FOXN3: variants seen among roughly 807,000 people sequenced by gnomAD.
FOXN3 encodes the protein forkhead box protein N3.
Under a neutral mutation model 38.4 loss-of-function variants are expected in FOXN3, and 7 were observed. That is an observed-to-expected ratio of 0.18 (90% CI 0.10 to 0.34). The LOEUF (loss-of-function observed/expected upper bound fraction) is 0.34, where lower values mean the gene tolerates loss of function less well. Among genes scored for constraint, FOXN3 ranks in the 10% least tolerant of loss-of-function variants. FOXN3 has a pLI of 1.00. For missense variants in FOXN3, 456 were observed against 613.4 expected (o/e 0.74, Z 2.71); for synonymous variants, 230 against 242.2 (o/e 0.95, Z 0.47).
intron 1 of FOXN3, among the ~76,000 whole-genome samples, chr14:89,485,753 A>C (rs987495539): frequency 3.3e-5 from 5 of 152,004 alleles, no homozygotes; most frequent in African/African-American, 1.2e-4. Context: ...CCTGACGGGG[A>C]GTCTGGTTCT....
chr14:89,528,287 A>G (rs558552643), intron 1 of FOXN3, among the ~76,000 whole-genome samples: 1 of 151,960 alleles, frequency 6.6e-6, no homozygotes, highest in South Asian at 2.1e-4. Flanking sequence ...AGGTAAATGG[A>G]AAAACAAACT....
At chr14:89,349,051 G>T (rs1362431659) in intron 3 of FOXN3, among the ~76,000 whole-genome samples, 1 of 152,086 alleles carries the variant, frequency 6.6e-6, no homozygotes, top group African/African-American at 2.4e-5. Context: ...CCCAGAGAAG[G>T]GTATTCCATG....
chr14:89,429,361 T>G (rs1164168971), intron 1 of FOXN3, among the ~76,000 whole-genome samples: 2 of 152,204 alleles, frequency 1.3e-5, no homozygotes, highest in Admixed American at 1.3e-4. Flanking sequence ...CTAAAACGCC[T>G]GGCACCATGT....
chr14:89,492,033 CCTGA>C (rs1163055795), intron 1 of FOXN3, among the ~76,000 whole-genome samples: 4 of 152,134 alleles, frequency 2.6e-5, no homozygotes, highest in Non-Finnish European at 1.5e-5. Context: ...ACACAAACGT[CCTGA>C]CTGTTGGAAA....
intron 1 of FOXN3, among the ~76,000 whole-genome samples, chr14:89,507,475 GGCTTTGCTGAAAAGGTCTTT>G (rs1893968865): frequency 6.6e-6 from 1 of 152,144 alleles, no homozygotes. Context: ...ATTGAGCCAG[GGCTTTGCTGAAAAGGTCTTT>G]CTATTTGATT....
At chr14:89,541,760 G>A (rs940635377) in intron 1 of FOXN3, among the ~76,000 whole-genome samples, 5 of 151,956 alleles carry the variant, frequency 3.3e-5, no homozygotes, top group Non-Finnish European at 5.9e-5. Context: ...CCCCTTTCCC[G>A]TAACAGTGCT....
intron 1 of FOXN3, among the ~76,000 whole-genome samples, chr14:89,455,203 C>T (rs756141546): frequency 2.6e-5 from 4 of 152,108 alleles, no homozygotes; most frequent in African/African-American, 7.2e-5. Flanking sequence ...TCTCCCTGCC[C>T]GGCCGATATG....
intron 1 of FOXN3, among the ~76,000 whole-genome samples, chr14:89,463,244 A>G (rs1477203000): frequency 1.3e-5 from 2 of 150,730 alleles, no homozygotes; most frequent in East Asian, 3.9e-4. Context: ...AGCGGACTCC[A>G]GCCTGGGCGA....
In FOXN3 at chr14:89,546,329, C is replaced by CTTTTTTTTTTTTTTTTTTTTTTTT. The variant is rs1157998619; in HGVS notation, c.-15+72698_-15+72699insAAAAAAAAAAAAAAAAAAAAAAAA. On this transcript the variant is annotated intron_variant, in intron 1 of 6. Transcript: ENST00000345097. ...TAGCTTCTTTTCTTTTTTCCTTTTTCTTTTTTTTTTTTTTTTTTTGAGATG... is the reference window on the plus strand; with the variant it reads ...TAGCTTCTTTTCTTTTTTCCTTTTTCTTTTTTTTTTTTTTTTTTTTTTTTTTTTTTTTTTTTTTTTTTTGAGATG... 4.2e-4 allele frequency among the ~76,000 whole-genome samples: 33 copies of CTTTTTTTTTTTTTTTTTTTTTTTT among 78,312 alleles called. 3 individuals carry two copies. Among genetic ancestry groups the CTTTTTTTTTTTTTTTTTTTTTTTT allele is most frequent in the Non-Finnish European group, 5.7e-4 (25 of 44,122 alleles). The allele number at this position is 78,312 out of a possible 152,430, so 51.4% of individuals were successfully genotyped here. A position where few individuals can be genotyped will look rare whatever the true frequency, so the allele number is the denominator to read the frequency against.
rs530611729 is a variant in FOXN3, at chr14:89,236,101, T to G, written c.745+44849A>C. On this transcript the variant is annotated intron_variant, in intron 4 of 5. Coordinates refer to ENST00000557258, the MANE Select transcript of FOXN3 (RefSeq NM_005197.4). The stretch of plus-strand genomic sequence containing the variant: ...CTCTATGAAAAATACATTCCTTTCT[T>G]GGATGTAGTCACTAGGCCCCTGGCT... Among the ~76,000 whole-genome samples the G allele has an allele frequency of 3.3e-5, 5 of 152,324 alleles. No homozygotes were observed. In the South Asian group the frequency reaches 1.0e-3, roughly 32 times the overall value.
At chr14:89,233,728 C>T (rs1329975694) in intron 4 of FOXN3, among the ~76,000 whole-genome samples, 2 of 152,198 alleles carry the variant, frequency 1.3e-5, no homozygotes, top group Non-Finnish European at 2.9e-5. Flanking sequence ...ATGTGAGATT[C>T]AAGTTCCAAG....
chr14:89,529,231 G>T (rs148505571), intron 1 of FOXN3, among the ~76,000 whole-genome samples: 57 of 152,172 alleles, frequency 3.7e-4, no homozygotes, highest in African/African-American at 1.3e-3. Flanking sequence ...GTTTGTGTGT[G>T]TGTCTATGTT....
At chr14:89,222,808 AAAAAT>A (rs968300092) in intron 4 of FOXN3, among the ~76,000 whole-genome samples, 7 of 152,214 alleles carry the variant, frequency 4.6e-5, no homozygotes, top group African/African-American at 1.2e-4. Flanking sequence ...CCTTCCTTTA[AAAAAT>A]AAAATAAAAT....
intron 1 of FOXN3, among the ~76,000 whole-genome samples, chr14:89,546,417 C>T (rs1397263251): frequency 1.5e-5 from 2 of 136,716 alleles, no homozygotes; most frequent in African/African-American, 5.6e-5. Flanking sequence ...GCAAGCTCCG[C>T]CTCCCGGGTT....
chr14:89,226,628 T>C (rs1260185156), intron 4 of FOXN3, among the ~76,000 whole-genome samples: 6 of 152,198 alleles, frequency 3.9e-5, no homozygotes, highest in Non-Finnish European at 8.8e-5. Context: ...TTGGTTGACC[T>C]GTGCCTCCCC....
intron 1 of FOXN3, among the ~76,000 whole-genome samples, chr14:89,425,034 T>G (rs1891992128): frequency 6.7e-6 from 1 of 149,992 alleles, no homozygotes; most frequent in Admixed American, 6.8e-5. Context: ...CTGACTTTTT[T>G]TTGTTGTGTT....
At chr14:89,200,423 G>T (rs1027868706) in intron 4 of FOXN3, among the ~76,000 whole-genome samples, 4 of 152,182 alleles carry the variant, frequency 2.6e-5, no homozygotes, top group Non-Finnish European at 5.9e-5. Flanking sequence ...AGCATCCTGG[G>T]CTGGGAGCCT....
chr14:89,608,276 G>A (rs961443867), intron 1 of FOXN3, among the ~76,000 whole-genome samples: 36 of 152,202 alleles, frequency 2.4e-4, no homozygotes, highest in African/African-American at 7.7e-4. Flanking sequence ...GATTACAGGC[G>A]TGAGCCACCG....
chr14:89,241,910 A>G (rs1017134066), intron 4 of FOXN3, among the ~76,000 whole-genome samples: 4 of 152,124 alleles, frequency 2.6e-5, no homozygotes, highest in Non-Finnish European at 5.9e-5. Flanking sequence ...CTCCCCACCC[A>G]TGGAGAAAGC....
Sources: gnomAD v4.1 joint callset for allele counts (sites outside exome capture counted in the v4.1 genomes callset) on GRCh38, gnomAD v4.1.1 for gene constraint, MANE v1.5 for transcripts, NCBI Gene and HGNC (gene_info 2026-07-23, HGNC 2026-07-21) for gene names.